Variants in ARMH3 observed in about 807,000 individuals in gnomAD.
ARMH3 encodes the protein armadillo like helical domain containing 3, also known as armadillo-like helical domain-containing protein 3.
Under a neutral mutation model 99.1 loss-of-function variants are expected in ARMH3, and 60 were observed. The observed-to-expected ratio is 0.61, with a 90% CI of 0.49 to 0.75. The LOEUF (loss-of-function observed/expected upper bound fraction) is 0.75. Ranked by LOEUF, ARMH3 falls within the 30% of genes least tolerant of loss-of-function variation. The pLI is 0.00. For missense variants in ARMH3, 679 were observed against 843.1 expected, an observed-to-expected ratio of 0.81 and a Z score of 2.41; for synonymous variants, 285 against 292.8, an observed-to-expected ratio of 0.97 and a Z score of 0.27.
intron 20 of ARMH3, among the ~76,000 whole-genome samples, chr10:101,964,070 G>A (rs991369604): frequency 6.6e-6 from 1 of 152,000 alleles, no homozygotes; most frequent in Non-Finnish European, 1.5e-5. Context: ...TAGAGATGGG[G>A]TTTCACCGTG....
chr10:102,008,759 G>T (rs1590176117), intron 13 of ARMH3, among the ~76,000 whole-genome samples: 1 of 151,612 alleles, frequency 6.6e-6, no homozygotes, highest in Non-Finnish European at 1.5e-5. Flanking sequence ...AAGAGACAGG[G>T]TTTCACCGTG....
At chr10:101,982,056 G>A (rs909748585) in intron 19 of ARMH3, among the ~76,000 whole-genome samples, 1 of 148,512 alleles carries the variant, frequency 6.7e-6, no homozygotes, top group Non-Finnish European at 1.5e-5. Flanking sequence ...AAAGACTGGG[G>A]TACCTTCAGC....
rs1443979007 is a variant in ARMH3 at position 101,847,275 on chromosome 10, A to G, written c.*253T>C. 1 of 441,698 alleles carries G rather than the reference A, an allele frequency of 2.3e-6. No individual in the cohort carries two copies. The highest frequency in any genetic ancestry group is 4.2e-6 in the Non-Finnish European group (1 of 240,900). 27.4% of individuals were successfully genotyped at this position (441,698 alleles called of 1,614,324 possible). A position where few individuals can be genotyped will look rare whatever the true frequency, so the allele number is the denominator to read the frequency against. Reference sequence around the variant, plus strand: ...ATGTGAGGGGCTGTTTAGGGAGCCCACTCTGGAAGTCCCCACATTCCTGGA... The same window carrying G: ...ATGTGAGGGGCTGTTTAGGGAGCCCGCTCTGGAAGTCCCCACATTCCTGGA... On this transcript the variant is annotated 3_prime_UTR_variant, in exon 26 of 26. Transcript: ENST00000370033.
At position 101,895,418 on chromosome 10, in the gene ARMH3, T is replaced by TA. The variant is rs763703849; in HGVS notation, c.1782-5929dup. Among the ~76,000 whole-genome samples the TA allele has an allele frequency of 9.3e-4, 141 of 152,110 alleles. 1 individual carries two copies. The highest frequency in any genetic ancestry group is 1.8e-3 in the Non-Finnish European group (125 of 67,988). The stretch of plus-strand genomic sequence containing the variant: ...CATCAGCCTCCCGAGTAGCTGGGAC[T>TA]ACAGGCGCCCGCCACCACGCCCGGC... On this transcript the variant is annotated intron_variant, in intron 23 of 25. Transcript: ENST00000370033.
At chr10:101,859,360 G>C (rs2066809315) in intron 24 of ARMH3, among the ~76,000 whole-genome samples, 1 of 152,234 alleles carries the variant, frequency 6.6e-6, no homozygotes. Flanking sequence ...CTGCAGGAAG[G>C]ACCAACCATT....
intron 19 of ARMH3, among the ~76,000 whole-genome samples, chr10:101,976,874 A>G (rs1846035769): frequency 6.6e-6 from 1 of 151,964 alleles, no homozygotes; most frequent in Admixed American, 6.6e-5. Flanking sequence ...GTTGGTCTAG[A>G]ACTCCTGGCC....
rs751593958 is a variant in ARMH3, at chr10:102,033,348, A to G, written c.103-9T>C. ...TTACTGGGGTCCTCTGTCTGAAACC[A>G]GAATATAAGCACATTCAGCCTTCCC... On this transcript the variant is annotated splice_polypyrimidine_tract_variant and intron_variant, in intron 2 of 25. Transcript: ENST00000370033. 9.3e-6 allele frequency: 15 copies of G among 1,613,620 alleles called. No homozygotes were observed. The highest frequency in any genetic ancestry group is 1.3e-5 in the Non-Finnish European group (15 of 1,179,844).
chr10:101,882,027 C>G (rs867908028), intron 24 of ARMH3, among the ~76,000 whole-genome samples: 1 of 152,288 alleles, frequency 6.6e-6, no homozygotes, highest in Middle Eastern at 3.4e-3. Context: ...TAAACCATCT[C>G]TTGCACTATT....
chr10:101,983,034 A>G (rs1370957387), intron 19 of ARMH3, among the ~76,000 whole-genome samples: 1 of 152,046 alleles, frequency 6.6e-6, no homozygotes, highest in East Asian at 1.9e-4. Context: ...TCTAAAATAT[A>G]TATTTGGTCT....
chr10:101,952,388 A>C (rs928640039), intron 22 of ARMH3, among the ~76,000 whole-genome samples: 6 of 152,208 alleles, frequency 3.9e-5, no homozygotes, highest in Admixed American at 1.3e-4. Flanking sequence ...AAGGAAACAC[A>C]AACAGTCACA....
At chr10:101,864,253 G>A (rs1267445035) in intron 24 of ARMH3, among the ~76,000 whole-genome samples, 4 of 152,136 alleles carry the variant, frequency 2.6e-5, no homozygotes, top group Admixed American at 6.5e-5. Context: ...ACAGGTGCTG[G>A]AGAGGATGTG....
intron 23 of ARMH3, among the ~76,000 whole-genome samples, chr10:101,903,368 T>C (rs1348666609): frequency 1.3e-5 from 2 of 152,120 alleles, no homozygotes; most frequent in African/African-American, 2.4e-5. Flanking sequence ...GTGAATAAAA[T>C]AAATCCCAGA....
intron 23 of ARMH3, among the ~76,000 whole-genome samples, chr10:101,902,501 G>A (rs1470354406): frequency 1.3e-5 from 2 of 152,098 alleles, no homozygotes; most frequent in African/African-American, 4.8e-5. Flanking sequence ...GGCACTTCTG[G>A]GCTGGGCTTG....
chr10:101,865,431 G>A (rs1387293462), intron 24 of ARMH3, among the ~76,000 whole-genome samples: 2 of 152,076 alleles, frequency 1.3e-5, no homozygotes, highest in Non-Finnish European at 2.9e-5. Context: ...CAAACGTAAA[G>A]AGGCAGTATT....
chr10:101,975,999 A>G (rs1845981320), intron 19 of ARMH3, among the ~76,000 whole-genome samples: 1 of 148,580 alleles, frequency 6.7e-6, no homozygotes, highest in South Asian at 2.1e-4. Flanking sequence ...CTAAAAATAT[A>G]CAAAAAATTA....
intron 15 of ARMH3, among the ~76,000 whole-genome samples, chr10:101,997,417 C>T (rs1457878608): frequency 6.6e-6 from 1 of 152,142 alleles, no homozygotes; most frequent in East Asian, 1.9e-4. Flanking sequence ...CATGGTGAAA[C>T]CCCATCTCTA....
At chr10:102,006,435 G>A (rs1293486591) in intron 14 of ARMH3, 105 bp downstream of exon 14, 1 of 1,307,614 alleles carries the variant, frequency 7.6e-7, no homozygotes, top group Non-Finnish European at 1.1e-6. Flanking sequence ...CAATTTAGTG[G>A]GAAAAATTAA....
chr10:102,040,125 T>G lies in ARMH3; in HGVS notation c.-11A>C. On this transcript the variant is annotated splice_region_variant and 5_prime_UTR_variant, in exon 2 of 26. Transcript: ENST00000370033. The stretch of plus-strand genomic sequence containing the variant: ...CTCTACCTGTGCCATGGTTAGAGAA[T>G]CTGTGAACAGAAAGTCACATTTTAG... 6.2e-7 allele frequency: 1 copy of G among 1,609,148 alleles called. No homozygotes were observed. The highest frequency in any genetic ancestry group is 1.3e-5 in the African/African-American group (1 of 74,974).
intron 23 of ARMH3, among the ~76,000 whole-genome samples, chr10:101,934,924 T>G (rs189770827): frequency 6.6e-6 from 1 of 152,130 alleles, no homozygotes; most frequent in East Asian, 1.9e-4. Context: ...AGTTTCCAAA[T>G]TTCAGGATAA....
Sources: allele counts gnomAD v4.1 joint callset (sites outside exome capture counted in the v4.1 genomes callset), GRCh38; gene constraint gnomAD v4.1.1; transcripts MANE v1.5; gene names NCBI Gene and HGNC (gene_info 2026-07-23, HGNC 2026-07-21).